Variants in ARGLU1 observed in about 807,000 individuals in gnomAD.
ARGLU1 encodes the protein arginine and glutamate-rich protein 1.
ARGLU1 carries 9 observed loss-of-function variants against 37.6 expected under a neutral mutation model. The ratio of observed to expected loss-of-function variants is 0.24; its 90% CI spans 0.14 to 0.42. ARGLU1 has a LOEUF of 0.42. ARGLU1 is among the 10% of genes least tolerant of loss of function. The pLI is 1.00. For synonymous variants in ARGLU1, 166 were observed against 138.5 expected (o/e 1.20, Z -1.39); for missense variants, 211 against 359.2 (o/e 0.59, Z 3.34).
intron 1 of ARGLU1, among the ~76,000 whole-genome samples, chr13:106,562,808 G>A (rs946616687): frequency 2.6e-5 from 4 of 150,962 alleles, no homozygotes; most frequent in African/African-American, 9.8e-5. Flanking sequence ...TGGCTAACAC[G>A]GTGAAACCCC....
chr13:106,544,206 TATC>T, intron 3 of ARGLU1, 46 bp from the exon 4 acceptor site: 1 of 1,469,774 alleles, frequency 6.8e-7, no homozygotes, highest in Non-Finnish European at 9.0e-7. Flanking sequence ...TATTAAAAAT[TATC>T]ATATGTACCC....
At chr13:106,550,879 G>C (rs951858924) in intron 3 of ARGLU1, among the ~76,000 whole-genome samples, 3 of 152,204 alleles carry the variant, frequency 2.0e-5, no homozygotes, top group Non-Finnish European at 4.4e-5. Context: ...TCTGTCAGGA[G>C]TCTGAACACC....
intron 1 of ARGLU1, among the ~76,000 whole-genome samples, chr13:106,560,252 T>C (rs1462656615): frequency 6.6e-6 from 1 of 152,218 alleles, no homozygotes; most frequent in East Asian, 1.9e-4. Flanking sequence ...CTTCCTTTTG[T>C]TAATTTTCAA....
chr13:106,562,454 G>A (rs1429769267), intron 1 of ARGLU1, among the ~76,000 whole-genome samples: 36 of 152,066 alleles, frequency 2.4e-4, no homozygotes, highest in Admixed American at 2.4e-3. Context: ...TCTTGAGTGG[G>A]TCAGTGTCTT....
intron 3 of ARGLU1, among the ~76,000 whole-genome samples, chr13:106,544,657 G>A (rs1452407290): frequency 3.9e-5 from 6 of 151,910 alleles, no homozygotes; most frequent in African/African-American, 1.2e-4. Flanking sequence ...CAAAGAGCAG[G>A]TTATCTACCA....
intron 3 of ARGLU1, among the ~76,000 whole-genome samples, chr13:106,549,728 A>G (rs1880486801): frequency 6.6e-6 from 1 of 152,202 alleles, no homozygotes; most frequent in Admixed American, 6.5e-5. Flanking sequence ...CTCTTGTGAC[A>G]TTTATATATA....
intron 3 of ARGLU1, among the ~76,000 whole-genome samples, chr13:106,544,673 C>T (rs1237023351): frequency 6.6e-6 from 1 of 151,868 alleles, no homozygotes; most frequent in African/African-American, 2.4e-5. Context: ...TACCAATTGC[C>T]ATATTTATAG....
chr13:106,553,412 A>G (rs1182726174), intron 3 of ARGLU1, among the ~76,000 whole-genome samples: 2 of 152,186 alleles, frequency 1.3e-5, no homozygotes, highest in African/African-American at 4.8e-5. Flanking sequence ...ATTTGAGAGT[A>G]TCTTTGTACA....
At chr13:106,545,637 AC>A (rs1339399362) in intron 3 of ARGLU1, among the ~76,000 whole-genome samples, 2 of 152,260 alleles carry the variant, frequency 1.3e-5, no homozygotes, top group African/African-American at 4.8e-5. Flanking sequence ...GGAAAAGGTA[AC>A]AGGACTCCGG....
chr13:106,554,585 C>A (rs766853691), intron 3 of ARGLU1, among the ~76,000 whole-genome samples: 19 of 152,120 alleles, frequency 1.2e-4, no homozygotes, highest in Non-Finnish European at 1.9e-4. Flanking sequence ...ACCAACAGAA[C>A]CAAATAAAAA....
At chr13:106,549,949 T>C (rs760664444) in intron 3 of ARGLU1, among the ~76,000 whole-genome samples, 2 of 152,364 alleles carry the variant, frequency 1.3e-5, no homozygotes, top group Non-Finnish European at 2.9e-5. Flanking sequence ...ATTTTCTTTA[T>C]ACTTTCTGTT....
rs559893005 is a variant in ARGLU1, at chr13:106,542,003, G to A, written c.*1993C>T. ...TCCTCTTTCCCATAGCCTGGCAGAG[G>A]AAAGTAGTTACCAAGCACAGGAACA... On this transcript the variant is annotated 3_prime_UTR_variant, in exon 4 of 4. Coordinates refer to ENST00000400198, the MANE Select transcript of ARGLU1 (RefSeq NM_018011.4). The A allele has an allele frequency of 6.6e-6, 1 of 152,190 alleles. No homozygotes were observed. The highest frequency in any genetic ancestry group is 1.9e-4 in the East Asian group (1 of 5,186). 9.4% of individuals were successfully genotyped at this position (152,190 alleles called of 1,614,324 possible). A position where few individuals can be genotyped will look rare whatever the true frequency, so the allele number is the denominator to read the frequency against.
rs371038154 is a variant in ARGLU1 at position 106,564,655 on chromosome 13, C to G, written c.347+2918G>C. ...GGTTCTTTCAGTCCCTTGAATGAACCGCTCTCCTCTCTCCACACTCTCCCT... is the reference window on the plus strand; with the variant it reads ...GGTTCTTTCAGTCCCTTGAATGAACGGCTCTCCTCTCTCCACACTCTCCCT... On this transcript the variant is annotated intron_variant, in intron 1 of 3. Coordinates refer to ENST00000400198, the MANE Select transcript of ARGLU1 (RefSeq NM_018011.4). Among the ~76,000 whole-genome samples, 3 of 152,032 alleles carry G rather than the reference C, an allele frequency of 2.0e-5. No individual in the cohort carries two copies. The East Asian group carries it at 5.8e-4, about 29-fold the overall frequency.
intron 2 of ARGLU1, chr13:106,558,155 C>G: frequency 1.0e-6 from 1 of 984,732 alleles, no homozygotes; most frequent in Non-Finnish European, 1.2e-6. Context: ...ACAAAAAAAG[C>G]AAATGAAGAG....
chr13:106,553,708 T>C (rs1477912916), intron 3 of ARGLU1, among the ~76,000 whole-genome samples: 1 of 152,252 alleles, frequency 6.6e-6, no homozygotes, highest in East Asian at 1.9e-4. Context: ...TTGTAGTTGC[T>C]TCTTGTCCTA....
At chr13:106,566,305 G>A (rs1880962622) in intron 1 of ARGLU1, among the ~76,000 whole-genome samples, 1 of 152,124 alleles carries the variant, frequency 6.6e-6, no homozygotes, top group Non-Finnish European at 1.5e-5. Flanking sequence ...TAGTAACTTT[G>A]GTTTTAGAAA....
intron 1 of ARGLU1, among the ~76,000 whole-genome samples, chr13:106,566,471 G>C (rs1880966695): frequency 6.6e-6 from 1 of 152,288 alleles, no homozygotes; most frequent in South Asian, 2.1e-4. Context: ...AATATTCACT[G>C]AAGAACTGAC....
intron 3 of ARGLU1, among the ~76,000 whole-genome samples, chr13:106,547,532 T>C (rs1880423258): frequency 6.6e-6 from 1 of 152,012 alleles, no homozygotes; most frequent in African/African-American, 2.4e-5. Context: ...TGTATAGCCA[T>C]TAAAAACAAG....
chr13:106,559,423 G>A lies in ARGLU1; in HGVS notation c.573+9C>T, dbSNP rs769225293. The A allele has an allele frequency of 2.1e-5, 34 of 1,613,760 alleles. No individual in the cohort carries two copies. The highest frequency in any genetic ancestry group is 6.7e-5 in the East Asian group (3 of 44,882). On this transcript the variant is annotated intron_variant, in intron 2 of 3. Transcript: ENST00000400198. Reference sequence around the variant, plus strand: ...GACTGTCTCTACTTTCCAAACGACCGAGCGTTACCTCTCTAGCTTTTTGTG... The same window carrying A: ...GACTGTCTCTACTTTCCAAACGACCAAGCGTTACCTCTCTAGCTTTTTGTG...
Sources: gnomAD v4.1 joint callset for allele counts (sites outside exome capture counted in the v4.1 genomes callset) on GRCh38, gnomAD v4.1.1 for gene constraint, MANE v1.5 for transcripts, NCBI Gene and HGNC (gene_info 2026-07-23, HGNC 2026-07-21) for gene names.